Variants in PPM1E observed in about 807,000 individuals in gnomAD.
PPM1E encodes the protein protein phosphatase, Mg2+/Mn2+ dependent 1E.
Under a neutral mutation model 65.9 loss-of-function variants are expected in PPM1E, and 20 were observed. The observed-to-expected ratio is 0.30, with a 90% CI of 0.21 to 0.44. PPM1E has a LOEUF of 0.44. PPM1E is among the 20% of genes least tolerant of loss of function. The pLI, the probability that PPM1E is intolerant of heterozygous loss-of-function variation, is 1.00. For synonymous variants in PPM1E, 352 were observed against 374.9 expected, an observed-to-expected ratio of 0.94 and a Z score of 0.70; for missense variants, 713 against 953.1, an observed-to-expected ratio of 0.75 and a Z score of 3.32.
intron 1 of PPM1E, among the ~76,000 whole-genome samples, chr17:58,791,474 C>T (rs1755735580): frequency 6.6e-6 from 1 of 152,130 alleles, no homozygotes; most frequent in South Asian, 2.1e-4. Flanking sequence ...CATATATGCT[C>T]AATATCTTCT....
At chr17:58,915,240 T>C (rs1322642999) in intron 1 of PPM1E, among the ~76,000 whole-genome samples, 3 of 152,202 alleles carry the variant, frequency 2.0e-5, no homozygotes, top group African/African-American at 7.2e-5. Flanking sequence ...TTCTTGATTA[T>C]ATGCTAAACA....
chr17:58,848,950 A>G (rs1308268238), intron 1 of PPM1E, among the ~76,000 whole-genome samples: 1 of 152,060 alleles, frequency 6.6e-6, no homozygotes, highest in Non-Finnish European at 1.5e-5. Context: ...TCAATTTCAG[A>G]ACCTGTTATT....
chr17:58,980,528 G>GTT lies in PPM1E; in HGVS notation c.1766_1767dup (p.Glu590LeufsTer18). The GTT allele has an allele frequency of 6.2e-7, 1 of 1,614,166 alleles. No individual in the cohort carries two copies. Among genetic ancestry groups the GTT allele is most frequent in the Non-Finnish European group, 8.5e-7 (1 of 1,180,022 alleles). Reference sequence around the variant, plus strand: ...TCACAGTGCCCAGTTTTTGCTACCAGTTGAGATGTTTGGTCCTGGTGCACC... The same window carrying GTT: ...TCACAGTGCCCAGTTTTTGCTACCAGTTTTGAGATGTTTGGTCCTGGTGCACC... On this transcript the variant is annotated frameshift_variant, in exon 7 of 7. Transcript: ENST00000308249. LOFTEE classifies it high-confidence loss of function. This position sits in a 1 kb window ranked among gnomAD's most constrained non-coding sequence, Gnocchi z 4.7.
At chr17:58,767,582 C>T (rs898076229) in intron 1 of PPM1E, among the ~76,000 whole-genome samples, 5 of 152,158 alleles carry the variant, frequency 3.3e-5, no homozygotes, top group Non-Finnish European at 5.9e-5. Flanking sequence ...TCCTTTTAAT[C>T]TAGCTTCACT....
At chr17:58,761,073 G>T (rs2049816385) in intron 1 of PPM1E, among the ~76,000 whole-genome samples, 1 of 152,182 alleles carries the variant, frequency 6.6e-6, no homozygotes, top group Non-Finnish European at 1.5e-5. Flanking sequence ...TCTGGAGTTT[G>T]TGTTTTGTTT....
chr17:58,880,157 C>T (rs1216843166), intron 1 of PPM1E, among the ~76,000 whole-genome samples: 1 of 152,098 alleles, frequency 6.6e-6, no homozygotes, highest in Non-Finnish European at 1.5e-5. Context: ...TACAGAATTC[C>T]TTTGGTCTCA....
intron 1 of PPM1E, among the ~76,000 whole-genome samples, chr17:58,800,245 A>G (rs946544236): frequency 6.6e-6 from 1 of 152,116 alleles, no homozygotes; most frequent in Admixed American, 6.6e-5. Context: ...CATTAAACCA[A>G]CATTGCATTT....
intron 1 of PPM1E, among the ~76,000 whole-genome samples, chr17:58,928,375 TATATA>T (rs1479443310): frequency 6.6e-6 from 1 of 151,888 alleles, no homozygotes; most frequent in East Asian, 1.9e-4. Flanking sequence ...TTATATCTAT[TATATA>T]TTATATTACT....
At chr17:58,946,559 G>A (rs779792134) in intron 1 of PPM1E, among the ~76,000 whole-genome samples, 3 of 152,060 alleles carry the variant, frequency 2.0e-5, no homozygotes, top group Non-Finnish European at 2.9e-5. Flanking sequence ...GGCTTAAAGC[G>A]ATCTTCCTGC....
At chr17:58,774,858 C>A (rs76374068) in intron 1 of PPM1E, among the ~76,000 whole-genome samples, 1 of 146,118 alleles carries the variant, frequency 6.8e-6, no homozygotes, top group South Asian at 2.2e-4. Context: ...CTGGGTAGTT[C>A]TTTTTTTTTT....
chr17:58,762,897 CA>C (rs35912480), intron 1 of PPM1E, among the ~76,000 whole-genome samples: 37,142 of 93,346 alleles, frequency 0.4, 4,491 homozygotes, highest in Middle Eastern at 0.56. Context: ...GACTCCGTCT[CA>C]AAAAAAAAAA....
intron 2 of PPM1E, among the ~76,000 whole-genome samples, chr17:58,957,338 T>C (rs2029891542): frequency 1.3e-5 from 2 of 152,272 alleles, no homozygotes; most frequent in African/African-American, 2.4e-5. Context: ...GATTGCAGTG[T>C]TGCCCTACAT....
chr17:58,953,233 A>G (rs1335659736), intron 1 of PPM1E, among the ~76,000 whole-genome samples: 1 of 152,210 alleles, frequency 6.6e-6, no homozygotes, highest in Non-Finnish European at 1.5e-5. Context: ...ATAAAGGAAT[A>G]CCTGAAGCTG....
intron 1 of PPM1E, among the ~76,000 whole-genome samples, chr17:58,877,633 A>G (rs2051142904): frequency 6.6e-6 from 1 of 152,224 alleles, no homozygotes; most frequent in Non-Finnish European, 1.5e-5. Flanking sequence ...AGTGAGGAAT[A>G]AAGATTTGTT....
At chr17:58,822,374 ATTTT>A (rs1555612134) in intron 1 of PPM1E, among the ~76,000 whole-genome samples, 19 of 99,650 alleles carry the variant, frequency 1.9e-4, no homozygotes, top group African/African-American at 4.3e-4. Flanking sequence ...TTATTTATTT[ATTTT>A]TTGACGAGTC....
At chr17:58,903,390 A>C (rs2051519999) in intron 1 of PPM1E, among the ~76,000 whole-genome samples, 1 of 152,192 alleles carries the variant, frequency 6.6e-6, no homozygotes, top group Admixed American at 6.6e-5. Flanking sequence ...TGGGTTTAGC[A>C]GGCTATTTCC....
intron 1 of PPM1E, among the ~76,000 whole-genome samples, chr17:58,876,435 A>C (rs956197994): frequency 6.6e-6 from 1 of 152,158 alleles, no homozygotes; most frequent in Non-Finnish European, 1.5e-5. Context: ...ACAAAATGTC[A>C]ATTACTAGGG....
chr17:58,867,219 C>G (rs1305700043), intron 1 of PPM1E, among the ~76,000 whole-genome samples: 1 of 152,242 alleles, frequency 6.6e-6, no homozygotes, highest in Non-Finnish European at 1.5e-5. Context: ...ACCTCATGAT[C>G]TGCCTGCCTT....
At chr17:58,863,292 C>T (rs2050962029) in intron 1 of PPM1E, among the ~76,000 whole-genome samples, 1 of 152,162 alleles carries the variant, frequency 6.6e-6, no homozygotes, top group African/African-American at 2.4e-5. Flanking sequence ...GGGTGGCTTG[C>T]TTTCTTAGCG....
Sources: gnomAD v4.1 joint callset for allele counts (sites outside exome capture counted in the v4.1 genomes callset) on GRCh38, gnomAD v4.1.1 for gene constraint, Gnocchi (gnomAD v3.1) non-coding constraint, MANE v1.5 for transcripts, NCBI Gene and HGNC (gene_info 2026-07-23, HGNC 2026-07-21) for gene names.